Variants in SMYD3 observed in about 807,000 individuals in gnomAD.
The protein encoded by SMYD3 is histone-lysine N-methyltransferase SMYD3.
Under a neutral mutation model 57.7 loss-of-function variants are expected in SMYD3, and 36 were observed. That is an observed-to-expected ratio of 0.62 (90% CI 0.48 to 0.82). The LOEUF (loss-of-function observed/expected upper bound fraction) is 0.82, where lower values mean the gene tolerates loss of function less well. Among genes scored for constraint, SMYD3 ranks in the 40% least tolerant of loss-of-function variants. The pLI is 0.00. For missense variants in SMYD3, 515 were observed against 538.8 expected (o/e 0.96, Z 0.44); for synonymous variants, 211 against 195.0 (o/e 1.08, Z -0.68).
At chr1:246,285,791 T>C (rs1397952982) in intron 5 of SMYD3, among the ~76,000 whole-genome samples, 2 of 151,558 alleles carry the variant, frequency 1.3e-5, no homozygotes, top group Admixed American at 6.6e-5. Context: ...TCAAACAAAT[T>C]AGCAAGAAAA....
intron 9 of SMYD3, among the ~76,000 whole-genome samples, chr1:245,860,160 G>A (rs115639132): frequency 0.07 from 10,587 of 150,904 alleles, 412 homozygotes; most frequent in Non-Finnish European, 0.08. Context: ...TGCCCCCTTC[G>A]TGCCCCCACA....
At chr1:246,225,651 CCTT>C (rs1239795634) in intron 5 of SMYD3, among the ~76,000 whole-genome samples, 4 of 152,266 alleles carry the variant, frequency 2.6e-5, no homozygotes, top group South Asian at 2.1e-4. Flanking sequence ...GTAATCATCT[CCTT>C]CTTTGTTTTC....
intron 5 of SMYD3, among the ~76,000 whole-genome samples, chr1:246,277,464 C>T (rs1017332869): frequency 1.3e-5 from 2 of 152,132 alleles, no homozygotes; most frequent in Non-Finnish European, 2.9e-5. Context: ...GCAAACACCA[C>T]CACCACCACC....
At chr1:245,973,009 T>C (rs1049916319) in intron 5 of SMYD3, among the ~76,000 whole-genome samples, 1 of 152,230 alleles carries the variant, frequency 6.6e-6, no homozygotes, top group Non-Finnish European at 1.5e-5. Flanking sequence ...AAATAAATGA[T>C]GTCATTGCTG....
At chr1:246,049,269 T>C (rs931221192) in intron 5 of SMYD3, among the ~76,000 whole-genome samples, 1 of 151,786 alleles carries the variant, frequency 6.6e-6, no homozygotes, top group Non-Finnish European at 1.5e-5. Flanking sequence ...ACAGAGTCGT[T>C]AAATATATAC....
chr1:246,001,499 T>C (rs1442604965), intron 5 of SMYD3, among the ~76,000 whole-genome samples: 13 of 150,642 alleles, frequency 8.6e-5, no homozygotes, highest in Non-Finnish European at 1.9e-4. Context: ...GCATCCATCA[T>C]GTTTTGGAGA....
rs140648226 is a variant in SMYD3 at position 245,758,923 on chromosome 1, A to G, written c.1185+5118T>C. 2.1e-3 allele frequency among the ~76,000 whole-genome samples: 321 copies of G among 152,284 alleles called. 1 individual carries two copies. Among genetic ancestry groups the G allele is most frequent in the African/African-American group, 7.4e-3 (308 of 41,562 alleles). On this transcript the variant is annotated intron_variant, in intron 11 of 11. Transcript: ENST00000490107. ...TTGAGTATTCTGTTATGAGACTCTG[A>G]ATTTTACCTCAACCTGCTTTAGCCG...
intron 5 of SMYD3, among the ~76,000 whole-genome samples, chr1:246,246,927 T>C (rs773468595): frequency 1.3e-5 from 2 of 151,844 alleles, no homozygotes; most frequent in Non-Finnish European, 2.9e-5. Flanking sequence ...ATTCAGATAA[T>C]TAAAATGTTT....
intron 5 of SMYD3, among the ~76,000 whole-genome samples, chr1:246,066,320 T>C (rs2060339122): frequency 6.6e-6 from 1 of 152,206 alleles, no homozygotes; most frequent in African/African-American, 2.4e-5. Context: ...AATTAACAGA[T>C]TGGCAACGAG....
intron 11 of SMYD3, among the ~76,000 whole-genome samples, chr1:245,756,991 C>A (rs1389988337): frequency 6.6e-6 from 1 of 152,020 alleles, no homozygotes; most frequent in African/African-American, 2.4e-5. Flanking sequence ...GTACACAAAA[C>A]ACTAATAGTT....
intron 5 of SMYD3, among the ~76,000 whole-genome samples, chr1:245,934,144 A>G (rs1037075109): frequency 6.6e-6 from 1 of 152,210 alleles, no homozygotes; most frequent in Admixed American, 6.5e-5. Context: ...AGTGTCTGGC[A>G]CAGAAGACTT....
chr1:246,418,905 G>C (rs915611176), intron 1 of SMYD3, among the ~76,000 whole-genome samples: 1 of 152,126 alleles, frequency 6.6e-6, no homozygotes, highest in Non-Finnish European at 1.5e-5. Flanking sequence ...TGAAGCAACT[G>C]AAGAACTACA....
chr1:245,827,165 G>A (rs1255430634), intron 10 of SMYD3, among the ~76,000 whole-genome samples: 3 of 152,132 alleles, frequency 2.0e-5, no homozygotes, highest in Non-Finnish European at 4.4e-5. Context: ...GAGGCCCAGG[G>A]AGATTAAACG....
At chr1:246,025,848 C>T (rs905444551) in intron 5 of SMYD3, 1 of 152,204 alleles carries the variant, frequency 6.6e-6, no homozygotes, top group African/African-American at 2.4e-5. Flanking sequence ...AAAGAAAAAC[C>T]TGGCCCAGCA....
chr1:245,962,520 T>C (rs1572798743), intron 5 of SMYD3, among the ~76,000 whole-genome samples: 1 of 152,282 alleles, frequency 6.6e-6, no homozygotes, highest in East Asian at 1.9e-4. Context: ...TTCCTCCATG[T>C]CCTTACCAAC....
intron 5 of SMYD3, among the ~76,000 whole-genome samples, chr1:246,246,366 T>G (rs1471609424): frequency 6.6e-6 from 1 of 152,190 alleles, no homozygotes; most frequent in Non-Finnish European, 1.5e-5. Context: ...AGATTCTATG[T>G]GGATTGTAAA....
chr1:246,208,295 T>C (rs1421519484), intron 5 of SMYD3, among the ~76,000 whole-genome samples: 1 of 152,126 alleles, frequency 6.6e-6, no homozygotes, highest in East Asian at 1.9e-4. Flanking sequence ...TTTCATTCAC[T>C]TCACGTGGTG....
At chr1:246,338,259 C>T (rs181794765) in intron 2 of SMYD3, among the ~76,000 whole-genome samples, 4 of 152,270 alleles carry the variant, frequency 2.6e-5, no homozygotes, top group East Asian at 3.9e-4. Flanking sequence ...ATAAGGGTTA[C>T]GAATACAAGC....
chr1:246,194,745 T>C (rs2062804350), intron 5 of SMYD3, among the ~76,000 whole-genome samples: 1 of 152,224 alleles, frequency 6.6e-6, no homozygotes, highest in African/African-American at 2.4e-5. Flanking sequence ...TTCAAGTGTT[T>C]GATACATGAA....
Sources: allele counts gnomAD v4.1 joint callset (sites outside exome capture counted in the v4.1 genomes callset), GRCh38; gene constraint gnomAD v4.1.1; transcripts MANE v1.5; gene names NCBI Gene and HGNC (gene_info 2026-07-23, HGNC 2026-07-21).